Variants in SCRG1 observed in about 807,000 individuals in gnomAD.
SCRG1 encodes the protein scrapie-responsive protein 1.
SCRG1 carries 3 observed loss-of-function variants against 7.7 expected under a neutral mutation model. That is an observed-to-expected ratio of 0.39 (90% CI 0.18 to 1.01). The LOEUF is 1.01. Ranked by LOEUF, SCRG1 falls within the 50% of genes least tolerant of loss-of-function variation. SCRG1 has a pLI of 0.36. For synonymous variants in SCRG1, 46 were observed against 41.2 expected (o/e 1.12, Z -0.44); for missense variants, 110 against 117.2 (o/e 0.94, Z 0.28).
At position 173,386,689 on chromosome 4, in the gene SCRG1, A is replaced by G. The variant is rs1375641626; in HGVS notation, c.*1652T>C. 2 of 152,212 alleles carry G rather than the reference A, an allele frequency of 1.3e-5. No homozygotes were observed. Among genetic ancestry groups the G allele is most frequent in the African/African-American group, 2.4e-5 (1 of 41,458 alleles). 9.4% of individuals were successfully genotyped at this position (152,212 alleles called of 1,614,324 possible). ...AAATAATGTCACTTTTATTCATAAA[A>G]TGATATCTCCCAGATTGCCTGTGTG... On this transcript the variant is annotated 3_prime_UTR_variant, in exon 3 of 3. Coordinates refer to ENST00000296506, the MANE Select transcript of SCRG1 (RefSeq NM_007281.4).
chr4:173,434,333 G>T, the SCRG1 span, among the ~76,000 whole-genome samples: 6 of 152,078 alleles, frequency 3.9e-5, no homozygotes, highest in African/African-American at 1.5e-4. Context: ...GATTTAAGGT[G>T]TTATGTTATT....
chr4:173,405,212 A>G (rs1235268004), intron 1 of SCRG1, among the ~76,000 whole-genome samples: 2 of 152,152 alleles, frequency 1.3e-5, no homozygotes, highest in Admixed American at 1.3e-4. Flanking sequence ...CTGGTCAAGT[A>G]TTTTGTAGAA....
At chr4:173,436,305 C>T in the SCRG1 span, among the ~76,000 whole-genome samples, 1 of 152,290 alleles carries the variant, frequency 6.6e-6, no homozygotes, top group Non-Finnish European at 1.5e-5. Flanking sequence ...ATAATTTGCT[C>T]TTGCTTTACC....
intron 2 of SCRG1, 32 bp from the exon 3 acceptor site, chr4:173,388,427 C>A: frequency 6.7e-7 from 1 of 1,494,498 alleles, no homozygotes; most frequent in Non-Finnish European, 9.3e-7. Context: ...ATTAAATTCA[C>A]CTTAAGGCTA....
chr4:173,429,670 C>T, the SCRG1 span, among the ~76,000 whole-genome samples: 7 of 152,034 alleles, frequency 4.6e-5, no homozygotes, highest in Non-Finnish European at 8.8e-5. Context: ...ATTGTATTGT[C>T]GATTGAGACA....
At chr4:173,479,565 G>A in the SCRG1 span, among the ~76,000 whole-genome samples, 6 of 150,604 alleles carry the variant, frequency 4.0e-5, no homozygotes, top group South Asian at 4.3e-4. Flanking sequence ...CTCATCCTTC[G>A]AAATAGCTGG....
chr4:173,420,588 G>A, the SCRG1 span, among the ~76,000 whole-genome samples: 1 of 151,900 alleles, frequency 6.6e-6, no homozygotes, highest in Non-Finnish European at 1.5e-5. Context: ...TGATCAGTGT[G>A]GATTACCGCA....
chr4:173,469,934 T>G, the SCRG1 span: 4 of 152,110 alleles, frequency 2.6e-5, no homozygotes, highest in African/African-American at 9.7e-5. Context: ...TGTGTGTAGA[T>G]GAACCATTTC....
the SCRG1 span, among the ~76,000 whole-genome samples, chr4:173,483,430 G>T: frequency 0.021 from 37 of 1,766 alleles, 5 homozygotes; most frequent in South Asian, 0.35. Flanking sequence ...TCATGATATA[G>T]TATATATTAT....
the SCRG1 span, among the ~76,000 whole-genome samples, chr4:173,484,410 A>C: frequency 2.7e-5 from 2 of 73,278 alleles, no homozygotes; most frequent in African/African-American, 1.2e-4. Context: ...TATTATATAC[A>C]TATAATATAT....
At chr4:173,451,125 A>C in the SCRG1 span, among the ~76,000 whole-genome samples, 83 of 152,120 alleles carry the variant, frequency 5.5e-4, no homozygotes, top group Non-Finnish European at 1.0e-3. Flanking sequence ...TTGGTCCTCC[A>C]AGGACACTAG....
the SCRG1 span, among the ~76,000 whole-genome samples, chr4:173,474,420 A>T: frequency 1.3e-5 from 2 of 152,234 alleles, no homozygotes; most frequent in Admixed American, 6.5e-5. Flanking sequence ...GGGGAGACAG[A>T]ACATCAGAAA....
chr4:173,435,118 A>ATGTG, the SCRG1 span, among the ~76,000 whole-genome samples: 11 of 151,412 alleles, frequency 7.3e-5, no homozygotes, highest in African/African-American at 2.4e-4. Context: ...ATATATATCT[A>ATGTG]TGTGTGTGTG....
chr4:173,421,996 C>T, the SCRG1 span, among the ~76,000 whole-genome samples: 1 of 152,140 alleles, frequency 6.6e-6, no homozygotes, highest in Non-Finnish European at 1.5e-5. Flanking sequence ...TGTAAAGATG[C>T]CAAGTGTGCA....
the SCRG1 span, among the ~76,000 whole-genome samples, chr4:173,512,750 T>G: frequency 2.0e-5 from 3 of 152,186 alleles, no homozygotes; most frequent in Non-Finnish European, 2.9e-5. Context: ...ATCTAACTCC[T>G]ATGTGGAGGA....
the SCRG1 span, among the ~76,000 whole-genome samples, chr4:173,473,213 A>G: frequency 2.0e-5 from 3 of 152,250 alleles, no homozygotes; most frequent in African/African-American, 4.8e-5. Context: ...CACAGATACC[A>G]AAGAAAATAA....
the SCRG1 span, among the ~76,000 whole-genome samples, chr4:173,485,049 AAT>A: frequency 0.017 from 514 of 29,456 alleles, 81 homozygotes; most frequent in Non-Finnish European, 0.023. Context: ...TATATTATAT[AAT>A]ATATTATATA....
chr4:173,472,797 A>G, the SCRG1 span, among the ~76,000 whole-genome samples: 1 of 152,196 alleles, frequency 6.6e-6, no homozygotes, highest in Non-Finnish European at 1.5e-5. Context: ...AAACACACTC[A>G]CAGACACACC....
the SCRG1 span, among the ~76,000 whole-genome samples, chr4:173,510,835 G>T: frequency 1.3e-5 from 2 of 152,144 alleles, no homozygotes; most frequent in Non-Finnish European, 2.9e-5. This position sits in a 1 kb window ranked among gnomAD's most constrained non-coding sequence, Gnocchi z 5.7. Flanking sequence ...ATCCACAAGC[G>T]CTTTTGATGA....
Sources: allele counts gnomAD v4.1 joint callset (sites outside exome capture counted in the v4.1 genomes callset), GRCh38; gene constraint gnomAD v4.1.1; non-coding constraint Gnocchi (gnomAD v3.1); transcripts MANE v1.5; gene names NCBI Gene and HGNC (gene_info 2026-07-23, HGNC 2026-07-21).